Variants in LSAMP observed in about 807,000 individuals in gnomAD.
LSAMP encodes the protein limbic system-associated membrane protein.
In LSAMP, 7 loss-of-function variants were observed where a neutral mutation model predicts 38.6. That is an observed-to-expected ratio of 0.18 (90% CI 0.10 to 0.34). LSAMP has a LOEUF of 0.34. Among genes scored for constraint, LSAMP ranks in the 10% least tolerant of loss-of-function variants. The probability of loss-of-function intolerance (pLI) is 1.00; values close to 1 mark genes in which losing one functional copy is unlikely to be tolerated. For synonymous variants in LSAMP, 154 were observed against 166.8 expected (o/e 0.92, Z 0.59); for missense variants, 313 against 420.0 (o/e 0.75, Z 2.23).
chr3:115,909,995 T>C (rs1350959318), intron 3 of LSAMP, among the ~76,000 whole-genome samples: 1 of 152,226 alleles, frequency 6.6e-6, no homozygotes, highest in Admixed American at 6.5e-5. Context: ...ATTGACGCAA[T>C]GTGCTCATAT....
intron 6 of LSAMP, among the ~76,000 whole-genome samples, chr3:115,821,110 TTTTCTC>T (rs1934222004): frequency 1.3e-5 from 2 of 152,206 alleles, no homozygotes; most frequent in Non-Finnish European, 2.9e-5. Flanking sequence ...GATGTGATTT[TTTTCTC>T]TTTCTCTGTC....
chr3:116,191,696 C>T (rs1159997525), intron 1 of LSAMP, among the ~76,000 whole-genome samples: 1 of 151,692 alleles, frequency 6.6e-6, no homozygotes, highest in Non-Finnish European at 1.5e-5. Flanking sequence ...TTGTGCCATT[C>T]CATTTTCTCA....
intron 1 of LSAMP, among the ~76,000 whole-genome samples, chr3:116,198,441 A>T (rs1325005994): frequency 1.3e-5 from 2 of 152,174 alleles, no homozygotes. Context: ...AGTGATGCTT[A>T]GTTTTGCTAT....
At chr3:115,852,121 C>A (rs1342853875) in intron 4 of LSAMP, among the ~76,000 whole-genome samples, 1 of 152,198 alleles carries the variant, frequency 6.6e-6, no homozygotes, top group Non-Finnish European at 1.5e-5. Flanking sequence ...TTAAGATGGA[C>A]ATTCCAGTTA....
intron 1 of LSAMP, among the ~76,000 whole-genome samples, chr3:116,378,528 G>T (rs1464847379): frequency 6.6e-6 from 1 of 151,994 alleles, no homozygotes; most frequent in East Asian, 1.9e-4. Context: ...GTCATAAAGA[G>T]CTACACTGTA....
intron 1 of LSAMP, among the ~76,000 whole-genome samples, chr3:116,239,727 A>ATT (rs2107636720): frequency 6.6e-6 from 1 of 152,284 alleles, no homozygotes; most frequent in South Asian, 2.1e-4. Context: ...ATTAGTCAGG[A>ATT]AGTCTGTTAA....
chr3:115,948,811 A>G (rs1938189553), intron 3 of LSAMP, among the ~76,000 whole-genome samples: 1 of 152,210 alleles, frequency 6.6e-6, no homozygotes, highest in Non-Finnish European at 1.5e-5. Flanking sequence ...TAAAACAACA[A>G]CAATACCAAA....
intron 1 of LSAMP, among the ~76,000 whole-genome samples, chr3:116,353,662 C>T (rs1038741630): frequency 2.6e-5 from 4 of 151,504 alleles, no homozygotes; most frequent in African/African-American, 9.7e-5. Context: ...AGTGACAATA[C>T]AAAAAAATGG....
At chr3:116,349,517 TCA>T (rs57435910) in intron 1 of LSAMP, among the ~76,000 whole-genome samples, 12 of 147,474 alleles carry the variant, frequency 8.1e-5, no homozygotes, top group Admixed American at 1.4e-4. Context: ...TCTCTCTCTC[TCA>T]CACACACACA....
intron 1 of LSAMP, among the ~76,000 whole-genome samples, chr3:116,246,935 A>G (rs1331232463): frequency 6.6e-6 from 1 of 152,146 alleles, no homozygotes; most frequent in Non-Finnish European, 1.5e-5. Context: ...ATTTCAGGAC[A>G]CTTTGAAATC....
intron 1 of LSAMP, among the ~76,000 whole-genome samples, chr3:116,147,131 G>C (rs774825468): frequency 2.6e-5 from 4 of 151,804 alleles, no homozygotes; most frequent in Non-Finnish European, 5.9e-5. Flanking sequence ...CAACTCAAAA[G>C]CCAATTTTTT....
intron 1 of LSAMP, among the ~76,000 whole-genome samples, chr3:116,412,942 C>G (rs2048999161): frequency 6.6e-6 from 1 of 152,072 alleles, no homozygotes; most frequent in Admixed American, 6.6e-5. Context: ...CACTAAATCA[C>G]TGCTGTAGCC....
At chr3:116,217,700 C>T (rs1439073436) in intron 1 of LSAMP, among the ~76,000 whole-genome samples, 1 of 152,182 alleles carries the variant, frequency 6.6e-6, no homozygotes, top group Admixed American at 6.5e-5. Context: ...ATATTAGTGT[C>T]TTCAACTATG....
At chr3:115,968,067 G>A (rs1170379253) in intron 3 of LSAMP, among the ~76,000 whole-genome samples, 1 of 152,058 alleles carries the variant, frequency 6.6e-6, no homozygotes, top group Admixed American at 6.6e-5. Flanking sequence ...AATGCTGCCA[G>A]GCCTGAGACT....
At chr3:115,995,779 C>T (rs943178346) in intron 3 of LSAMP, among the ~76,000 whole-genome samples, 1 of 152,022 alleles carries the variant, frequency 6.6e-6, no homozygotes, top group Non-Finnish European at 1.5e-5. Flanking sequence ...TCCCCAATGA[C>T]TTATCCCCAT....
intron 2 of LSAMP, among the ~76,000 whole-genome samples, chr3:116,051,596 C>A (rs755188226): frequency 6.6e-6 from 1 of 152,198 alleles, no homozygotes; most frequent in Non-Finnish European, 1.5e-5. Flanking sequence ...ATCCCTAAAG[C>A]CATCACCCTA....
At chr3:116,232,789 G>A (rs571717165) in intron 1 of LSAMP, among the ~76,000 whole-genome samples, 1 of 136,278 alleles carries the variant, frequency 7.3e-6, no homozygotes, top group African/African-American at 2.6e-5. Flanking sequence ...AAACACAGAG[G>A]AAGTAGAACT....
intron 1 of LSAMP, among the ~76,000 whole-genome samples, chr3:116,100,561 T>A (rs1047773553): frequency 6.6e-6 from 1 of 152,186 alleles, no homozygotes. Flanking sequence ...CAGTGCCTTG[T>A]CATTTGTTAC....
At chr3:116,057,186 G>A (rs1455381401) in intron 2 of LSAMP, among the ~76,000 whole-genome samples, 1 of 152,092 alleles carries the variant, frequency 6.6e-6, no homozygotes, top group East Asian at 1.9e-4. Flanking sequence ...TTTGGATATT[G>A]CTTTGCTTAG....
Sources: gnomAD v4.1 joint callset for allele counts (sites outside exome capture counted in the v4.1 genomes callset) on GRCh38, gnomAD v4.1.1 for gene constraint, MANE v1.5 for transcripts, NCBI Gene and HGNC (gene_info 2026-07-23, HGNC 2026-07-21) for gene names.